The following GATA4 variants were observed in gnomAD, a reference collection of about 807,000 sequenced individuals.
GATA4 encodes the protein transcription factor GATA-4.
GATA4 carries 7 observed loss-of-function variants against 37.9 expected under a neutral mutation model. That is an observed-to-expected ratio of 0.18 (90% CI 0.11 to 0.35). The LOEUF is 0.35. Ranked by LOEUF, GATA4 falls within the 10% of genes least tolerant of loss-of-function variation. GATA4 has a pLI of 1.00. For missense variants in GATA4, 647 were observed against 653.0 expected (o/e 0.99, Z 0.10); for synonymous variants, 372 against 292.6 (o/e 1.27, Z -2.77).
intron 4 of GATA4, among the ~76,000 whole-genome samples, chr8:11,751,359 C>T (rs528961411): frequency 6.6e-6 from 1 of 152,232 alleles, no homozygotes; most frequent in East Asian, 1.9e-4. Flanking sequence ...GTGGTTGCTT[C>T]CACATATACA....
chr8:11,733,196 G>T (rs924685248), intron 2 of GATA4, among the ~76,000 whole-genome samples: 11 of 151,860 alleles, frequency 7.2e-5, no homozygotes, highest in Admixed American at 4.6e-4. Flanking sequence ...GGAAAAGTTG[G>T]CAGCATTCTT....
At chr8:11,702,389 C>T (rs1368330113), upstream of GATA4, among the ~76,000 whole-genome samples, 1 of 151,962 alleles carries the variant, frequency 6.6e-6, no homozygotes, top group Non-Finnish European at 1.5e-5. The surrounding 1 kb of genome is among the most constrained non-coding windows in gnomAD (Gnocchi z 4.4). Flanking sequence ...GCTTCCCGCT[C>T]GCCCAAGCCC....
chr8:11,756,507 G>A (rs1193959162), intron 5 of GATA4: 2 of 235,858 alleles, frequency 8.5e-6, no homozygotes, highest in Non-Finnish European at 1.7e-5. Context: ...AACCTATTTT[G>A]AACAGACACT....
chr8:11,704,551 T>A (rs1260531272), intron 1 of GATA4, among the ~76,000 whole-genome samples: 1 of 152,232 alleles, frequency 6.6e-6, no homozygotes. Context: ...ATTCTTTCCG[T>A]GTGAACTTGA....
At chr8:11,720,107 A>T (rs1326073576) in intron 2 of GATA4, among the ~76,000 whole-genome samples, 4 of 151,290 alleles carry the variant, frequency 2.6e-5, no homozygotes, top group Non-Finnish European at 5.9e-5. Context: ...CCTCTCCCAG[A>T]CCCTTCTCTT....
intron 1 of GATA4, chr8:11,680,878 G>T (rs778455421): frequency 5.5e-5 from 54 of 985,352 alleles, no homozygotes; most frequent in Non-Finnish European, 6.5e-5. Flanking sequence ...CTTCTCAGTT[G>T]CGACCCCCTG....
At chr8:11,714,929 G>C (rs1161485562) in intron 2 of GATA4, among the ~76,000 whole-genome samples, 1 of 152,108 alleles carries the variant, frequency 6.6e-6, no homozygotes, top group Non-Finnish European at 1.5e-5. Flanking sequence ...AAAGTAGACA[G>C]CCTGGACTCC....
chr8:11,678,331 T>C (rs1293218321), intron 1 of GATA4, among the ~76,000 whole-genome samples: 2 of 152,118 alleles, frequency 1.3e-5, no homozygotes, highest in African/African-American at 2.4e-5. Flanking sequence ...AACAGAAAAT[T>C]GTTCCCTTTG....
chr8:11,750,329 T>G, intron 4 of GATA4, 93 bp downstream of exon 4: 1 of 1,548,996 alleles, frequency 6.5e-7, no homozygotes, highest in Non-Finnish European at 8.8e-7. Flanking sequence ...AGCATTCATT[T>G]TTCCTTCTTA....
chr8:11,711,747 CAAAAAAAA>C (rs71205018), intron 2 of GATA4, among the ~76,000 whole-genome samples: 1 of 56,864 alleles, frequency 1.8e-5, no homozygotes, highest in Non-Finnish European at 3.4e-5. Context: ...GACCCTCTCT[CAAAAAAAA>C]AAAAAAAAAA....
upstream of GATA4, among the ~76,000 whole-genome samples, chr8:11,688,524 G>GCGCACA (rs145128130): frequency 1.5e-4 from 23 of 149,638 alleles, no homozygotes; most frequent in African/African-American, 4.7e-4. Context: ...GTGCGCGCAT[G>GCGCACA]CACACACACA....
chr8:11,713,754 A>G (rs1800305694), intron 2 of GATA4, among the ~76,000 whole-genome samples: 3 of 152,252 alleles, frequency 2.0e-5, no homozygotes, highest in Admixed American at 1.3e-4. Flanking sequence ...GAAATGCAGT[A>G]TAGAATATGG....
intron 1 of GATA4, chr8:11,697,663 T>A: frequency 3.0e-6 from 3 of 985,336 alleles, no homozygotes; most frequent in Non-Finnish European, 2.4e-6. Context: ...GGACCCCGGG[T>A]CTTCGCGCCT....
chr8:11,718,733 C>G (rs1400378299), intron 2 of GATA4, among the ~76,000 whole-genome samples: 2 of 152,252 alleles, frequency 1.3e-5, no homozygotes, highest in African/African-American at 4.8e-5. Context: ...TTCCTTTCTA[C>G]TCCCCAGTTG....
chr8:11,734,852 C>T (rs1045591474), intron 2 of GATA4, among the ~76,000 whole-genome samples: 1 of 152,198 alleles, frequency 6.6e-6, no homozygotes, highest in African/African-American at 2.4e-5. Context: ...GGCCTGTTCA[C>T]CTCCCAAATG....
At chr8:11,692,423 TTATC>T (rs1293774620), upstream of GATA4, 5 of 779,714 alleles carry the variant, frequency 6.4e-6, no homozygotes, top group Admixed American at 1.9e-4. Flanking sequence ...TCTACCTATC[TTATC>T]TATCACTATA....
chr8:11,726,925 C>T (rs1161269485), intron 2 of GATA4, among the ~76,000 whole-genome samples: 1 of 152,158 alleles, frequency 6.6e-6, no homozygotes, highest in Non-Finnish European at 1.5e-5. Flanking sequence ...CCGGAGTTTT[C>T]ACTCATCTAG....
intron 2 of GATA4, among the ~76,000 whole-genome samples, chr8:11,740,014 C>A (rs1436459172): frequency 6.6e-6 from 1 of 152,172 alleles, no homozygotes; most frequent in Admixed American, 6.5e-5. Context: ...AGGGAAGCAG[C>A]GGCGGGGGCA....
At position 11,708,140 on chromosome 8, in the gene GATA4, GA is replaced by G. The variant is rs1563199296; in HGVS notation, c.-172del. On this transcript the variant is annotated 5_prime_UTR_variant, in exon 2 of 7. An upstream open reading frame in the 5' UTR gains an earlier in-frame stop. Transcript: ENST00000532059. This position sits in a 1 kb window ranked among gnomAD's most constrained non-coding sequence, Gnocchi z 6.7. Reference sequence around the variant, plus strand: ...GCCTAGAGCCCTTTGCTCAATGCTGGATTTAATACGTATATATTTTTAAGCG... The same window carrying G: ...GCCTAGAGCCCTTTGCTCAATGCTGGTTTAATACGTATATATTTTTAAGCG... 4 of 764,240 alleles carry G rather than the reference GA, an allele frequency of 5.2e-6. No individual in the cohort carries two copies. Among genetic ancestry groups the G allele is most frequent in the African/African-American group, 1.7e-5 (1 of 58,108 alleles). 47.3% of individuals were successfully genotyped at this position (764,240 alleles called of 1,614,324 possible).
Sources: gnomAD v4.1 joint callset for allele counts (sites outside exome capture counted in the v4.1 genomes callset) on GRCh38, gnomAD v4.1.1 for gene constraint, Gnocchi (gnomAD v3.1) non-coding constraint, MANE v1.5 for transcripts, NCBI Gene and HGNC (gene_info 2026-07-23, HGNC 2026-07-21) for gene names.